STPG2: variants seen among roughly 807,000 people sequenced by gnomAD.
STPG2 encodes sperm-tail PG-rich repeat-containing protein 2.
In STPG2, 56 loss-of-function variants were observed where a neutral mutation model predicts 54.2. That is an observed-to-expected ratio of 1.03 (90% CI 0.83 to 1.29). The LOEUF (loss-of-function observed/expected upper bound fraction) is 1.29. Among genes scored for constraint, STPG2 ranks in the 50% most tolerant of loss-of-function variants. STPG2 has a pLI of 0.00. For missense variants in STPG2, 596 were observed against 544.9 expected (o/e 1.09, Z -0.93); for synonymous variants, 200 against 181.8 (o/e 1.10, Z -0.81).
chr4:98,088,149 C>T (rs533450605), intron 5 of STPG2, among the ~76,000 whole-genome samples: 2 of 152,232 alleles, frequency 1.3e-5, no homozygotes, highest in East Asian at 3.9e-4. Flanking sequence ...GTTCAGGAAA[C>T]TGAAGGTAGT....
In STPG2 at chr4:97,959,804, T is replaced by A. The variant is rs573820389; in HGVS notation, c.933+12476A>T. ...TTGGTACCAATCCTTTTGACACTAT[T>A]CAAAACGATAGAGAAAGAGGGAAAC... On this transcript the variant is annotated intron_variant, in intron 7 of 10. Transcript: ENST00000295268. Among the ~76,000 whole-genome samples the A allele has an allele frequency of 5.3e-5, 8 of 152,152 alleles. No individual in the cohort carries two copies. In the East Asian group the frequency reaches 1.5e-3, roughly 29 times the overall value.
intron 4 of STPG2, among the ~76,000 whole-genome samples, chr4:97,533,581 T>C (rs1163225924): frequency 6.6e-6 from 1 of 152,182 alleles, no homozygotes; most frequent in African/African-American, 2.4e-5. Flanking sequence ...AGTCTGTTCG[T>C]CTTGCCTGCC....
Position 97,498,536 on chromosome 4 carries a change from T to A in STPG2, c.462+214163A>T, listed in dbSNP as rs921209621. 8.6e-5 allele frequency among the ~76,000 whole-genome samples: 13 copies of A among 151,810 alleles called. No homozygotes were observed. In the Admixed American group the frequency reaches 8.6e-4, roughly 10 times the overall value. ...TGTTCACATTGAAACTAAAGAAAAGTGCATGATTATACAGTTTAGGCAAAT... is the reference window on the plus strand; with the variant it reads ...TGTTCACATTGAAACTAAAGAAAAGAGCATGATTATACAGTTTAGGCAAAT... On this transcript the variant is annotated intron_variant, in intron 4 of 4. Transcript: ENST00000522676.
intron 5 of STPG2, among the ~76,000 whole-genome samples, chr4:98,028,045 A>C (rs1736480773): frequency 1.3e-5 from 2 of 152,194 alleles, no homozygotes; most frequent in Non-Finnish European, 2.9e-5. Context: ...TGGCCTCTTC[A>C]GAGATGGCTG....
chr4:97,939,323 G>C (rs1732887580), intron 8 of STPG2, among the ~76,000 whole-genome samples: 1 of 44,168 alleles, frequency 2.3e-5, no homozygotes, highest in Non-Finnish European at 5.8e-5. Flanking sequence ...AGGTCTATCA[G>C]ATCCATGGTC....
chr4:98,112,633 T>C (rs1464223360), intron 3 of STPG2, among the ~76,000 whole-genome samples: 1 of 152,168 alleles, frequency 6.6e-6, no homozygotes, highest in African/African-American at 2.4e-5. Flanking sequence ...TGCAAACGTG[T>C]ACAGAAAATT....
At chr4:97,844,864 C>A (rs1728901651) in intron 8 of STPG2, among the ~76,000 whole-genome samples, 1 of 151,900 alleles carries the variant, frequency 6.6e-6, no homozygotes, top group African/African-American at 2.4e-5. Context: ...ATTGTTCAAT[C>A]CTGTTCTGTG....
intron 8 of STPG2, among the ~76,000 whole-genome samples, chr4:97,920,129 CTG>C (rs1284039387): frequency 2.6e-5 from 4 of 152,192 alleles, no homozygotes; most frequent in Admixed American, 2.6e-4. Flanking sequence ...AGACAAAACA[CTG>C]AGAGGACAGG....
At chr4:98,052,444 G>A (rs1468099755) in intron 5 of STPG2, among the ~76,000 whole-genome samples, 1 of 152,098 alleles carries the variant, frequency 6.6e-6, no homozygotes, top group African/African-American at 2.4e-5. Flanking sequence ...TCCACCCCAA[G>A]TGGTAACTAG....
chr4:97,889,036 T>G (rs1730676278), intron 8 of STPG2, among the ~76,000 whole-genome samples: 1 of 152,168 alleles, frequency 6.6e-6, no homozygotes, highest in African/African-American at 2.4e-5. Context: ...GAAGCTAGCA[T>G]CATGCTTCCT....
At chr4:97,861,254 T>C (rs888482017) in intron 8 of STPG2, among the ~76,000 whole-genome samples, 1 of 152,130 alleles carries the variant, frequency 6.6e-6, no homozygotes, top group African/African-American at 2.4e-5. Context: ...TCAATATCAC[T>C]GATCATCAAA....
chr4:98,129,725 T>C (rs1049279456), intron 2 of STPG2, among the ~76,000 whole-genome samples: 2 of 152,236 alleles, frequency 1.3e-5, no homozygotes, highest in East Asian at 3.8e-4. Context: ...AAGCATTTAG[T>C]TACTGGGACA....
intron 5 of STPG2, among the ~76,000 whole-genome samples, chr4:98,057,374 T>G (rs984797562): frequency 1.3e-5 from 2 of 152,062 alleles, no homozygotes; most frequent in Non-Finnish European, 2.9e-5. Context: ...GCCAACATGA[T>G]AGAGCTGAAA....
At chr4:97,741,290 G>A (rs1458231053) in intron 9 of STPG2, among the ~76,000 whole-genome samples, 2 of 152,084 alleles carry the variant, frequency 1.3e-5, no homozygotes, top group African/African-American at 4.8e-5. Flanking sequence ...TATCACTCAG[G>A]ATATAGGCAT....
chr4:97,746,709 C>T (rs972751653), intron 9 of STPG2, among the ~76,000 whole-genome samples: 4 of 151,236 alleles, frequency 2.6e-5, no homozygotes, highest in Non-Finnish European at 4.5e-5. Flanking sequence ...ATTATACTGA[C>T]AGCACTGTTG....
At chr4:97,922,598 G>T (rs1047506821) in intron 8 of STPG2, among the ~76,000 whole-genome samples, 2 of 152,304 alleles carry the variant, frequency 1.3e-5, no homozygotes, top group South Asian at 2.1e-4. Flanking sequence ...AGCCAATGGG[G>T]TGAAATGTAT....
chr4:97,673,199 G>A (rs187460033), intron 10 of STPG2, among the ~76,000 whole-genome samples: 101 of 152,334 alleles, frequency 6.6e-4, no homozygotes, highest in Middle Eastern at 3.4e-3. Flanking sequence ...AATGTCAGTT[G>A]ATGTTACAAG....
chr4:97,916,368 C>A (rs1464162897), intron 8 of STPG2: 1 of 152,546 alleles, frequency 6.6e-6, no homozygotes, highest in African/African-American at 2.4e-5. Flanking sequence ...CAGCAAGAAG[C>A]ACCTTGCCCA....
chr4:98,069,633 T>C (rs1737941681), intron 5 of STPG2, among the ~76,000 whole-genome samples: 1 of 152,124 alleles, frequency 6.6e-6, no homozygotes, highest in Non-Finnish European at 1.5e-5. Context: ...CAATTCTCCA[T>C]GAATCTCTCA....
Sources: gnomAD v4.1 joint callset for allele counts (sites outside exome capture counted in the v4.1 genomes callset) on GRCh38, gnomAD v4.1.1 for gene constraint, MANE v1.5 for transcripts, NCBI Gene and HGNC (gene_info 2026-07-23, HGNC 2026-07-21) for gene names.